Variants in SLIT2 observed in about 807,000 individuals in gnomAD.
SLIT2 encodes slit guidance ligand 2.
SLIT2 carries 41 observed loss-of-function variants against 185.7 expected under a neutral mutation model. The observed-to-expected ratio is 0.22, with a 90% CI of 0.17 to 0.29. The LOEUF (loss-of-function observed/expected upper bound fraction) is 0.29. Ranked by LOEUF, SLIT2 falls within the 10% of genes least tolerant of loss-of-function variation. The pLI is 1.00. For synonymous variants in SLIT2, 693 were observed against 680.2 expected, an observed-to-expected ratio of 1.02 and a Z score of -0.29; for missense variants, 1,571 against 1,909.0, an observed-to-expected ratio of 0.82 and a Z score of 3.30.
chr4:20,515,106 A>T (rs1720086315), intron 11 of SLIT2, among the ~76,000 whole-genome samples: 1 of 152,186 alleles, frequency 6.6e-6, no homozygotes, highest in African/African-American at 2.4e-5. Flanking sequence ...GACCTTTAGG[A>T]CACTAGGTGG....
Position 20,530,833 on chromosome 4 carries a change from A to G in SLIT2, c.1614-1151A>G, listed in dbSNP as rs761217560. The stretch of plus-strand genomic sequence containing the variant: ...GCTAATGAATGGTTAAATTATTCAT[A>G]TTGACCTTTCTCCAAAGAACATATA... On this transcript the variant is annotated intron_variant, in intron 16 of 36. Coordinates refer to ENST00000504154, the MANE Select transcript of SLIT2 (RefSeq NM_004787.4). 1.1e-4 allele frequency among the ~76,000 whole-genome samples: 16 copies of G among 152,238 alleles called. No homozygotes were observed. In the South Asian group the frequency reaches 1.9e-3, roughly 18 times the overall value.
Position 20,293,725 on chromosome 4 carries a change from C to T in SLIT2, c.395+24844C>T, listed in dbSNP as rs185887369. Among the ~76,000 whole-genome samples the T allele has an allele frequency of 1.8e-4, 27 of 152,190 alleles. 1 individual carries two copies. Among genetic ancestry groups the T allele is most frequent in the Admixed American group, 3.3e-4 (5 of 15,288 alleles). On this transcript the variant is annotated intron_variant, in intron 4 of 36. Transcript: ENST00000504154. The stretch of plus-strand genomic sequence containing the variant: ...TCTTGTGAGAATAAGAAGGATAATA[C>T]ACCTCCCATGCTGGAAACTACCTTA...
At chr4:20,548,584 G>T (rs372092951) in intron 23 of SLIT2, 25 bp downstream of exon 23, 3 of 1,426,880 alleles carry the variant, frequency 2.1e-6, no homozygotes, top group Non-Finnish European at 3.0e-6. Context: ...GTGGTACTGA[G>T]TATTCATTAA....
intron 29 of SLIT2, among the ~76,000 whole-genome samples, chr4:20,575,561 A>G (rs1239976319): frequency 6.6e-6 from 1 of 152,162 alleles, no homozygotes; most frequent in Admixed American, 6.5e-5. Context: ...GCCCCAAAGC[A>G]TGCACTTTGA....
chr4:20,309,786 G>A (rs1717919855), intron 4 of SLIT2, among the ~76,000 whole-genome samples: 1 of 119,654 alleles, frequency 8.4e-6, no homozygotes, highest in Non-Finnish European at 1.6e-5. Context: ...TTGAGATGGA[G>A]TCTTGCTCTT....
chr4:20,460,436 G>A (rs1713577824), intron 4 of SLIT2, among the ~76,000 whole-genome samples: 1 of 152,112 alleles, frequency 6.6e-6, no homozygotes, highest in African/African-American at 2.4e-5. Flanking sequence ...GTTTAAGTGA[G>A]CTGATTAACA....
At chr4:20,320,362 C>T (rs759921762) in intron 4 of SLIT2, among the ~76,000 whole-genome samples, 8 of 152,144 alleles carry the variant, frequency 5.3e-5, no homozygotes, top group Non-Finnish European at 1.2e-4. Flanking sequence ...TGGAATCACT[C>T]AGCTTTCAGT....
At chr4:20,298,303 G>C (rs891753121) in intron 4 of SLIT2, among the ~76,000 whole-genome samples, 2 of 151,908 alleles carry the variant, frequency 1.3e-5, no homozygotes, top group African/African-American at 4.8e-5. Context: ...TGGTCAGGCT[G>C]GTCTTGAACT....
chr4:20,533,272 A>G (rs1263304113), intron 17 of SLIT2: 1 of 246,510 alleles, frequency 4.1e-6, no homozygotes, highest in Non-Finnish European at 7.7e-6. Flanking sequence ...GTTAGGTTTT[A>G]TAGATGGCAT....
chr4:20,331,029 G>A lies in SLIT2; in HGVS notation c.395+62148G>A, dbSNP rs187124509. 7.9e-5 allele frequency among the ~76,000 whole-genome samples: 12 copies of A among 152,140 alleles called. No homozygotes were observed. In the East Asian group the frequency reaches 1.4e-3, roughly 17 times the overall value. ...ATATTCCGTAGACAACTAAATTTCC[G>A]TATCTAACAAAACTCAGCTTTTTAT... On this transcript the variant is annotated intron_variant, in intron 4 of 36. Transcript: ENST00000504154.
At chr4:20,262,619 T>A (rs1712595050) in intron 3 of SLIT2, among the ~76,000 whole-genome samples, 1 of 151,914 alleles carries the variant, frequency 6.6e-6, no homozygotes, top group East Asian at 1.9e-4. Context: ...ATGGCAGTCA[T>A]TTTCTTGGAA....
chr4:20,312,679 A>C (rs1718223206), intron 4 of SLIT2, among the ~76,000 whole-genome samples: 1 of 149,792 alleles, frequency 6.7e-6, no homozygotes, highest in Non-Finnish European at 1.5e-5. Flanking sequence ...AGGCTGAGGC[A>C]GGGAAATGGC....
intron 4 of SLIT2, among the ~76,000 whole-genome samples, chr4:20,463,515 ATGTGTGTG>A (rs375793654): frequency 2.0e-4 from 23 of 112,342 alleles, no homozygotes; most frequent in African/African-American, 7.1e-4. Flanking sequence ...ATATCCATAT[ATGTGTGTG>A]TGTGTGTGTG....
intron 4 of SLIT2, among the ~76,000 whole-genome samples, chr4:20,384,469 C>T (rs969600150): frequency 6.6e-6 from 1 of 152,100 alleles, no homozygotes; most frequent in African/African-American, 2.4e-5. Flanking sequence ...GTAAACTTAA[C>T]ATTCATTAAT....
intron 29 of SLIT2, among the ~76,000 whole-genome samples, chr4:20,576,788 C>G (rs534918542): frequency 2.6e-5 from 4 of 152,170 alleles, no homozygotes; most frequent in Admixed American, 2.0e-4. Context: ...GCCCATTGAG[C>G]CCAGAACAAC....
chr4:20,537,962 A>G (rs544404158), intron 18 of SLIT2, among the ~76,000 whole-genome samples: 21 of 151,892 alleles, frequency 1.4e-4, no homozygotes, highest in Middle Eastern at 6.8e-3. Flanking sequence ...ATTTTTATCT[A>G]TTTATTTATT....
chr4:20,523,001 G>A (rs1312930152), intron 12 of SLIT2, among the ~76,000 whole-genome samples: 1 of 152,126 alleles, frequency 6.6e-6, no homozygotes, highest in African/African-American at 2.4e-5. Flanking sequence ...CAAAGTAAAA[G>A]GAATTGAGAG....
intron 4 of SLIT2, among the ~76,000 whole-genome samples, chr4:20,433,507 T>C (rs1447508880): frequency 6.6e-6 from 1 of 152,220 alleles, no homozygotes; most frequent in African/African-American, 2.4e-5. Flanking sequence ...CAAGATACAT[T>C]GCATATTCTT....
chr4:20,313,617 C>T (rs551313130), intron 4 of SLIT2, among the ~76,000 whole-genome samples: 29 of 151,968 alleles, frequency 1.9e-4, no homozygotes, highest in Non-Finnish European at 1.5e-5. Flanking sequence ...TGTGTTAAAG[C>T]GGTGGTCCCC....
Sources: allele counts gnomAD v4.1 joint callset (sites outside exome capture counted in the v4.1 genomes callset), GRCh38; gene constraint gnomAD v4.1.1; transcripts MANE v1.5; gene names NCBI Gene and HGNC (gene_info 2026-07-23, HGNC 2026-07-21).